The following PI4KA variants were observed in gnomAD, a reference collection of about 807,000 sequenced individuals.
PI4KA encodes the protein phosphatidylinositol 4-kinase alpha.
PI4KA carries 122 observed loss-of-function variants against 271.4 expected under a neutral mutation model. That is an observed-to-expected ratio of 0.45 (90% CI 0.39 to 0.52). PI4KA has a LOEUF of 0.52. Among genes scored for constraint, PI4KA ranks in the 20% least tolerant of loss-of-function variants. The pLI is 0.00. For synonymous variants in PI4KA, 1,041 were observed against 1,078.8 expected, an observed-to-expected ratio of 0.96 and a Z score of 0.69; for missense variants, 1,969 against 2,769.1, an observed-to-expected ratio of 0.71 and a Z score of 6.48.
At chr22:20,807,523 C>T in intron 9 of PI4KA, 65 bp from the exon 10 acceptor site, 1 of 876,022 alleles carries the variant, frequency 1.1e-6, no homozygotes, top group Non-Finnish European at 1.9e-6. Context: ...CCTTTGCCTT[C>T]ACAGCAAGGC....
intron 5 of PI4KA, 45 bp from the exon 6 acceptor site, chr22:20,819,945 A>G (rs1569071182): frequency 1.3e-6 from 2 of 1,490,296 alleles, no homozygotes; most frequent in Non-Finnish European, 1.9e-6. Flanking sequence ...AAGTATCCTG[A>G]TAGAGTCATA....
intron 9 of PI4KA, among the ~76,000 whole-genome samples, chr22:20,808,260 A>T (rs1935780325): frequency 6.6e-6 from 1 of 150,784 alleles, no homozygotes; most frequent in Non-Finnish European, 1.5e-5. Flanking sequence ...ATTGCACTCC[A>T]GCCTGGGCAA....
intron 3 of PI4KA, among the ~76,000 whole-genome samples, chr22:20,824,912 A>G (rs949696408): frequency 1.3e-5 from 2 of 151,770 alleles, no homozygotes; most frequent in Admixed American, 1.3e-4. Flanking sequence ...TCTACTAAAA[A>G]TACAAAAATT....
At position 20,799,229 on chromosome 22, in the gene PI4KA, A is replaced by G; in HGVS notation, c.1868T>C (p.Ile623Thr). 6.4e-7 allele frequency: 1 copy of G among 1,563,812 alleles called. No homozygotes were observed. The highest frequency in any genetic ancestry group is 8.7e-7 in the Non-Finnish European group (1 of 1,155,228). Residue 623 changes from isoleucine (I) to threonine (T), a missense_variant, in exon 16 of 55, where the codon ATT becomes ACT. Ile to Thr is a moderately conservative substitution (Grantham distance 89). Transcript: ENST00000255882. Reference protein sequence around the residue: ...PDHTIRALGHIAVALRDTPKV... With the variant: ...PDHTIRALGHTAVALRDTPKV... ...CGGGGTGTCCCTCAAGGCCACCGCA[A>G]TGTGTCCCAAGGCTCGGATTGTGTG...
At chr22:20,828,504 C>T (rs1233848599) in intron 3 of PI4KA, among the ~76,000 whole-genome samples, 4 of 151,944 alleles carry the variant, frequency 2.6e-5, no homozygotes, top group Non-Finnish European at 5.9e-5. Context: ...TCATAGATGG[C>T]TATTATTACT....
intron 2 of PI4KA, among the ~76,000 whole-genome samples, chr22:20,837,581 C>T (rs1026463068): frequency 6.6e-6 from 1 of 151,932 alleles, no homozygotes; most frequent in African/African-American, 2.4e-5. Context: ...GCAACCTGTT[C>T]TAGATAAATA....
intron 1 of PI4KA, among the ~76,000 whole-genome samples, chr22:20,839,295 G>A (rs566670973): frequency 2.6e-5 from 4 of 152,124 alleles, no homozygotes; most frequent in Admixed American, 2.0e-4. Context: ...TTTTTTTTCA[G>A]TTAAAAGATC....
At position 20,803,330 on chromosome 22, in the gene PI4KA, ACC is replaced by A. The variant is rs1444732695; in HGVS notation, c.1462-12_1462-11del. The A allele has an allele frequency of 1.9e-6, 3 of 1,613,666 alleles. No individual in the cohort carries two copies. In the African/African-American group the frequency reaches 4.0e-5, roughly 22 times the overall value. Reference sequence around the variant, plus strand: ...ACAGGCGGCCCAAACCCTGCAACACACCATCAACCTGTCACATGGCCTGTGGT... The same window carrying A: ...ACAGGCGGCCCAAACCCTGCAACACAATCAACCTGTCACATGGCCTGTGGT... On this transcript the variant is annotated splice_polypyrimidine_tract_variant and intron_variant, in intron 12 of 54. Coordinates refer to ENST00000255882, the MANE Select transcript of PI4KA (RefSeq NM_058004.4).
chr22:20,723,374 G>A (rs563340321), intron 42 of PI4KA, among the ~76,000 whole-genome samples: 1 of 151,826 alleles, frequency 6.6e-6, no homozygotes, highest in South Asian at 2.1e-4. Context: ...CATTTGTATT[G>A]CCATAGTGAT....
chr22:20,849,605 C>A lies in PI4KA; in HGVS notation c.156+8965G>T, dbSNP rs555864231. On this transcript the variant is annotated intron_variant, in intron 1 of 54. Transcript: ENST00000255882. ...CAGTGGCTCACACCTGTAATCCCAG[C>A]ACTTTGGGAGGCCGAGGCAGGTGGA... is the stretch of plus-strand genomic sequence containing the variant. Among the ~76,000 whole-genome samples the A allele has an allele frequency of 3.3e-5, 5 of 152,276 alleles. No homozygotes were observed. The South Asian group carries it at 6.2e-4, about 19-fold the overall frequency.
intron 1 of PI4KA, among the ~76,000 whole-genome samples, chr22:20,842,853 G>A (rs910488525): frequency 2.7e-5 from 4 of 150,020 alleles, no homozygotes; most frequent in Admixed American, 1.3e-4. Flanking sequence ...GCTCACGCCT[G>A]TAATCCCAGC....
chr22:20,796,071 T>C, intron 18 of PI4KA, 75 bp downstream of exon 18: 1 of 1,380,082 alleles, frequency 7.2e-7, no homozygotes, highest in Non-Finnish European at 1.0e-6. Context: ...CCAACCAAGA[T>C]GGTGCCTGAA....
chr22:20,725,057 G>A (rs969928561), intron 42 of PI4KA, among the ~76,000 whole-genome samples: 1 of 152,224 alleles, frequency 6.6e-6, no homozygotes, highest in Non-Finnish European at 1.5e-5. Flanking sequence ...TTTCAGCAGA[G>A]GCTGGCTGCT....
chr22:20,736,973 C>A (rs1393671089), intron 32 of PI4KA: 1 of 153,418 alleles, frequency 6.5e-6, no homozygotes, highest in Non-Finnish European at 1.5e-5. Context: ...AAGGGAAGAA[C>A]CACCCTGGCA....
At chr22:20,729,192 T>C in intron 39 of PI4KA, 121 bp downstream of exon 39, 1 of 819,356 alleles carries the variant, frequency 1.2e-6, no homozygotes, top group Non-Finnish European at 1.9e-6. Context: ...ACTAGACTAC[T>C]TCCTGACTAT....
chr22:20,720,076 G>A (rs913071886), intron 43 of PI4KA, among the ~76,000 whole-genome samples: 5 of 143,572 alleles, frequency 3.5e-5, no homozygotes, highest in Admixed American at 2.8e-4. Context: ...ACTGGCAGAT[G>A]TGAACAAATA....
intron 3 of PI4KA, 136 bp from the exon 4 acceptor site, chr22:20,824,550 C>T (rs1042104775): frequency 6.5e-6 from 4 of 611,094 alleles, no homozygotes; most frequent in South Asian, 2.0e-5. Context: ...CTCCTTGAGA[C>T]GAGTCTCAAA....
chr22:20,799,396 C>A, intron 15 of PI4KA, 120 bp from the exon 16 acceptor site: 1 of 971,710 alleles, frequency 1.0e-6, no homozygotes, highest in African/African-American at 1.7e-5. Context: ...CAGTGTTCAT[C>A]TGAAACTGAC....
At position 20,852,400 on chromosome 22, in the gene PI4KA, C is replaced by T. The variant is rs550753436; in HGVS notation, c.156+6170G>A. 4.6e-5 allele frequency among the ~76,000 whole-genome samples: 7 copies of T among 152,266 alleles called. 1 individual carries two copies. The South Asian group carries it at 8.3e-4, about 18-fold the overall frequency. ...TGAAGGCAGAGGGAGAAAGTGGCCT[C>T]GGAAGAAATCAACATTGCTGACACC... On this transcript the variant is annotated intron_variant, in intron 1 of 54. Coordinates refer to ENST00000255882, the MANE Select transcript of PI4KA (RefSeq NM_058004.4).
Sources: allele counts gnomAD v4.1 joint callset (sites outside exome capture counted in the v4.1 genomes callset), GRCh38; gene constraint gnomAD v4.1.1; transcripts MANE v1.5; gene names NCBI Gene and HGNC (gene_info 2026-07-23, HGNC 2026-07-21).